The following HTR2C variants were observed in gnomAD, a reference collection of about 807,000 sequenced individuals.
HTR2C encodes 5-hydroxytryptamine receptor 2C.
In HTR2C, 5 loss-of-function variants were observed where a neutral mutation model predicts 21.0. That is an observed-to-expected ratio of 0.24 (90% CI 0.12 to 0.50). The LOEUF (loss-of-function observed/expected upper bound fraction) is 0.50, where lower values mean the gene tolerates loss of function less well. Among genes scored for constraint, HTR2C ranks in the 20% least tolerant of loss-of-function variants. The pLI is 0.98. For synonymous variants in HTR2C, 150 were observed against 145.3 expected (o/e 1.03, Z -0.23); for missense variants, 271 against 371.2 (o/e 0.73, Z 2.22).
At chrX:114,895,202 A>T in intron 5 of HTR2C, among the ~76,000 whole-genome samples, 1 of 112,124 alleles carries the variant, frequency 8.9e-6, no homozygotes, top group South Asian at 3.7e-4. Flanking sequence ...GAAAAAAATT[A>T]TAACAAAGTG....
chrX:114,749,402 C>T (rs1302900582), intron 4 of HTR2C, among the ~76,000 whole-genome samples: 110 of 98,050 alleles, frequency 1.1e-3, no homozygotes, highest in African/African-American at 3.7e-3. Flanking sequence ...TGCAGTGAGC[C>T]GAGGTCACAC....
intron 2 of HTR2C, among the ~76,000 whole-genome samples, chrX:114,702,655 ATG>A (rs1569485266): frequency 2.7e-5 from 3 of 110,954 alleles, no homozygotes; most frequent in African/African-American, 6.5e-5. Flanking sequence ...GCATCAACTA[ATG>A]AGCAAAATAA....
chrX:114,826,835 G>A (rs193184407), intron 4 of HTR2C, among the ~76,000 whole-genome samples: 1 of 111,423 alleles, frequency 9.0e-6, no homozygotes, highest in East Asian at 2.8e-4. Flanking sequence ...TTGGACTTAT[G>A]TCTACCGTGT....
intron 2 of HTR2C, among the ~76,000 whole-genome samples, chrX:114,699,529 G>A (rs782622017): frequency 1.9e-4 from 21 of 111,835 alleles, no homozygotes; most frequent in East Asian, 2.8e-4. Context: ...CCTGACACAC[G>A]GAAGGCCCTC....
At chrX:114,654,789 T>A (rs997196252) in intron 2 of HTR2C, among the ~76,000 whole-genome samples, 5 of 110,381 alleles carry the variant, frequency 4.5e-5, no homozygotes, top group Non-Finnish European at 9.5e-5. Context: ...CACATGAAAG[T>A]TCTCCGAACC....
chrX:114,795,319 G>C (rs1172493255), intron 4 of HTR2C, among the ~76,000 whole-genome samples: 3 of 110,839 alleles, frequency 2.7e-5, no homozygotes, highest in Non-Finnish European at 3.8e-5. Context: ...TAGGTTGCCT[G>C]TTCACTCTGA....
intron 2 of HTR2C, among the ~76,000 whole-genome samples, chrX:114,685,417 C>T (rs1161512952): frequency 1.8e-5 from 2 of 112,079 alleles, no homozygotes; most frequent in African/African-American, 6.5e-5. Context: ...ATTGCTAACA[C>T]TTCATTGGAC....
At chrX:114,799,883 C>G (rs781861405) in intron 4 of HTR2C, among the ~76,000 whole-genome samples, 7 of 111,073 alleles carry the variant, frequency 6.3e-5, no homozygotes, top group African/African-American at 2.3e-4. Flanking sequence ...AAATGCTAAA[C>G]TAGAGGTATA....
intron 4 of HTR2C, among the ~76,000 whole-genome samples, chrX:114,743,569 A>G (rs2069672797): frequency 8.9e-6 from 1 of 112,029 alleles, no homozygotes; most frequent in Non-Finnish European, 1.9e-5. Context: ...TATTCAAACC[A>G]AAGAATAGAA....
chrX:114,775,269 G>C, intron 4 of HTR2C: 1 of 522,468 alleles, frequency 1.9e-6, no homozygotes, highest in Non-Finnish European at 3.5e-6. Flanking sequence ...GGTAGTAATC[G>C]TGTTCTCTTT....
chrX:114,851,048 G>T (rs1248827111), intron 5 of HTR2C, among the ~76,000 whole-genome samples: 2 of 111,375 alleles, frequency 1.8e-5, no homozygotes, highest in Non-Finnish European at 3.8e-5. Flanking sequence ...AAGACATAAG[G>T]TAATAAATTT....
At chrX:114,751,547 C>T (rs2069760752) in intron 4 of HTR2C, among the ~76,000 whole-genome samples, 1 of 111,498 alleles carries the variant, frequency 9.0e-6, no homozygotes, top group Non-Finnish European at 1.9e-5. Flanking sequence ...CCTAGAATAC[C>T]AAGAAGGTAA....
chrX:114,771,336 T>C (rs1212969278), intron 4 of HTR2C, among the ~76,000 whole-genome samples: 1 of 110,768 alleles, frequency 9.0e-6, no homozygotes, highest in African/African-American at 3.4e-5. Context: ...TTTTCTTTGA[T>C]ATTTGTTTTT....
intron 2 of HTR2C, among the ~76,000 whole-genome samples, chrX:114,675,873 T>TC (rs1197476375): frequency 2.0e-5 from 2 of 99,773 alleles, no homozygotes; most frequent in Non-Finnish European, 3.9e-5. Flanking sequence ...TTTTTCTTTT[T>TC]TCTTTTTTTT....
chrX:114,615,886 ATCTTACAAG>A (rs1362593286), intron 2 of HTR2C, among the ~76,000 whole-genome samples: 3 of 111,854 alleles, frequency 2.7e-5, no homozygotes, highest in Non-Finnish European at 5.6e-5. Context: ...ATGTGGCAAT[ATCTTACAAG>A]TCCTACCCCA....
At chrX:114,605,434 T>G (rs1418638663) in intron 1 of HTR2C, among the ~76,000 whole-genome samples, 2 of 110,728 alleles carry the variant, frequency 1.8e-5, no homozygotes, top group Non-Finnish European at 3.8e-5. Flanking sequence ...TTGGGGTTGG[T>G]ACTGAGGGGA....
intron 2 of HTR2C, among the ~76,000 whole-genome samples, chrX:114,633,520 A>G (rs1412347464): frequency 9.0e-6 from 1 of 111,642 alleles, no homozygotes; most frequent in Non-Finnish European, 1.9e-5. Flanking sequence ...TGTAACTGCC[A>G]TTGTTCAAAT....
intron 4 of HTR2C, among the ~76,000 whole-genome samples, chrX:114,762,966 C>G (rs1556433093): frequency 8.9e-6 from 1 of 112,303 alleles, no homozygotes; most frequent in African/African-American, 3.2e-5. Flanking sequence ...ACCAGTGGTT[C>G]TCTCGTGTGA....
chrX:114,876,879 T>C (rs1556478392), intron 5 of HTR2C, among the ~76,000 whole-genome samples: 2 of 111,066 alleles, frequency 1.8e-5, no homozygotes, highest in African/African-American at 6.5e-5. Context: ...GCACCTATGC[T>C]CATCAAAGAT....
Sources: gnomAD v4.1 joint callset for allele counts (sites outside exome capture counted in the v4.1 genomes callset) on GRCh38, gnomAD v4.1.1 for gene constraint, MANE v1.5 for transcripts, NCBI Gene and HGNC (gene_info 2026-07-23, HGNC 2026-07-21) for gene names.